NINL: variants seen among roughly 807,000 people sequenced by gnomAD.
NINL encodes the protein ninein like.
NINL carries 153 observed loss-of-function variants against 160.3 expected under a neutral mutation model. That is an observed-to-expected ratio of 0.95 (90% CI 0.84 to 1.09). The LOEUF (loss-of-function observed/expected upper bound fraction) is 1.09, where lower values mean the gene tolerates loss of function less well. NINL is among the 50% of genes least tolerant of loss of function. The pLI, the probability that NINL is intolerant of heterozygous loss-of-function variation, is 0.00. For synonymous variants in NINL, 800 were observed against 734.8 expected, an observed-to-expected ratio of 1.09 and a Z score of -1.43; for missense variants, 1,829 against 1,764.0, an observed-to-expected ratio of 1.04 and a Z score of -0.66.
chr20:25,499,952 A>G, intron 8 of NINL, among the ~76,000 whole-genome samples: 1 of 151,546 alleles, frequency 6.6e-6, no homozygotes, highest in South Asian at 2.1e-4. Flanking sequence ...TCGCAAAAAA[A>G]AAAAAAAAAA....
chr20:25,489,601 G>A (rs1601121121), intron 12 of NINL, among the ~76,000 whole-genome samples: 1 of 151,986 alleles, frequency 6.6e-6, no homozygotes, highest in South Asian at 2.1e-4. Context: ...TCCTCCCTAG[G>A]TGACACCCAG....
At chr20:25,506,087 C>T (rs576333840) in intron 5 of NINL, among the ~76,000 whole-genome samples, 2 of 152,134 alleles carry the variant, frequency 1.3e-5, no homozygotes, top group African/African-American at 4.8e-5. Flanking sequence ...ATTGGTGAAA[C>T]CCCGTCTCTA....
chr20:25,496,029 C>T (rs2063746174), intron 10 of NINL, among the ~76,000 whole-genome samples: 1 of 152,078 alleles, frequency 6.6e-6, no homozygotes, highest in South Asian at 2.1e-4. Flanking sequence ...CTGTTTAATC[C>T]CTGCTACTTG....
rs143658285 is a variant in NINL, at chr20:25,555,984, T to TAA, written c.-11-29388_-11-29387dup. Among the ~76,000 whole-genome samples, 820 of 144,294 alleles carry TAA rather than the reference T, an allele frequency of 5.7e-3. 7 individuals carry two copies. Among genetic ancestry groups the TAA allele is most frequent in the Middle Eastern group, 7.2e-3 (2 of 276 alleles). 94.7% of individuals were successfully genotyped at this position (144,294 alleles called of 152,430 possible). A position where few individuals can be genotyped will look rare whatever the true frequency, so the allele number is the denominator to read the frequency against. The stretch of plus-strand genomic sequence containing the variant: ...GCCACCATGCCCGGCTTATTTTCAA[T>TAA]AAAAAAAAAAAACAGGCCGGACACG... On this transcript the variant is annotated intron_variant, in intron 1 of 23. Transcript: ENST00000278886.
In NINL at chr20:25,501,036, C is replaced by G. The variant is rs749888963; in HGVS notation, c.862-26G>C. 2.5e-6 allele frequency: 4 copies of G among 1,607,558 alleles called. No homozygotes were observed. The African/African-American group carries it at 5.3e-5, about 21-fold the overall frequency. On this transcript the variant is annotated intron_variant, in intron 7 of 23. Transcript: ENST00000278886. Reference sequence around the variant, plus strand: ...CTGCATGTCAGGAAGACTTCCATAGCGCCCAGCGTCCAAAGCCTCACGCCT... The same window carrying G: ...CTGCATGTCAGGAAGACTTCCATAGGGCCCAGCGTCCAAAGCCTCACGCCT...
chr20:25,500,944 G>A lies in NINL; in HGVS notation c.928C>T (p.Arg310Cys). 5.6e-6 allele frequency: 9 copies of A among 1,614,196 alleles called. No homozygotes were observed. Among genetic ancestry groups the A allele is most frequent in the East Asian group, 2.2e-5 (1 of 44,886 alleles). ...CCATCGTCAATGCTGGAGAAGAGGC[G>A]CAGGCTGGAGCACAGGGACACGAGG... ...SSLVSLCSSL[R>C]LFSSIDDGSG... Residue 310 changes from arginine (R) to cysteine (C), a missense_variant, in exon 8 of 24, where the codon CGC becomes TGC. Coordinates refer to ENST00000278886, the MANE Select transcript of NINL (RefSeq NM_025176.6).
chr20:25,562,485 G>A (rs2064955770), intron 1 of NINL, among the ~76,000 whole-genome samples: 1 of 127,974 alleles, frequency 7.8e-6, no homozygotes. Context: ...CTGTTGATCT[G>A]TGACCTTACC....
At chr20:25,479,517 C>T (rs575235300) in intron 15 of NINL, among the ~76,000 whole-genome samples, 1 of 152,272 alleles carries the variant, frequency 6.6e-6, no homozygotes, top group East Asian at 1.9e-4. Context: ...TTTACAGGAC[C>T]TCGGGGTGGC....
chr20:25,454,592 T>C (rs2090619752), intron 23 of NINL, among the ~76,000 whole-genome samples: 1 of 152,152 alleles, frequency 6.6e-6, no homozygotes. Context: ...GGATCCCTCA[T>C]GTAGACCAAA....
chr20:25,519,989 C>CAAAAAAA lies in NINL; in HGVS notation c.181-2147_181-2141dup, dbSNP rs59160061. ...TGGGTGACGAAGTGAGACCCCGTCT[C>CAAAAAAA]AAAAAAAAAAAAAAAAAAAAAAAAA... On this transcript the variant is annotated intron_variant, in intron 2 of 23. Transcript: ENST00000278886. 9.1e-4 allele frequency among the ~76,000 whole-genome samples: 11 copies of CAAAAAAA among 12,126 alleles called. 2 individuals are homozygous for CAAAAAAA. Among genetic ancestry groups the CAAAAAAA allele is most frequent in the Non-Finnish European group, 1.9e-3 (9 of 4,834 alleles). The allele number at this position is 12,126 out of a possible 152,430, so 8.0% of individuals were successfully genotyped here.
At chr20:25,583,836 A>C (rs945677647) in intron 1 of NINL, among the ~76,000 whole-genome samples, 3 of 152,326 alleles carry the variant, frequency 2.0e-5, no homozygotes, top group Non-Finnish European at 4.4e-5. Flanking sequence ...GACATGCATA[A>C]AGTGGGAAGC....
At position 25,476,941 on chromosome 20, in the gene NINL, C is replaced by T; in HGVS notation, c.2350G>A (p.Ala784Thr). The T allele has an allele frequency of 1.2e-6, 2 of 1,611,232 alleles. No homozygotes were observed. Among genetic ancestry groups the T allele is most frequent in the South Asian group, 1.1e-5 (1 of 91,038 alleles). ...CTCGCACAGGGCTGCAGCTTCAGTG[C>T]CCTCTCCAGCTCCAGCTGCTCCGAC... Reference protein sequence around the residue: ...QRSEQLELERALKLQPCASEK... With the variant: ...QRSEQLELERTLKLQPCASEK... Residue 784 changes from alanine to threonine, a missense_variant, in exon 17 of 24, where the codon GCA becomes ACA. Coordinates refer to ENST00000278886, the MANE Select transcript of NINL (RefSeq NM_025176.6).
At chr20:25,480,839 T>G (rs1467602112) in intron 14 of NINL, among the ~76,000 whole-genome samples, 1 of 152,130 alleles carries the variant, frequency 6.6e-6, no homozygotes, top group Non-Finnish European at 1.5e-5. Context: ...GGCATCCAGG[T>G]GGGACGTCAA....
At chr20:25,528,809 A>G (rs2064401285) in intron 1 of NINL, among the ~76,000 whole-genome samples, 2 of 152,242 alleles carry the variant, frequency 1.3e-5, no homozygotes, top group Admixed American at 1.3e-4. Flanking sequence ...TCTAAAAAAG[A>G]GGAAATATAA....
intron 2 of NINL, among the ~76,000 whole-genome samples, chr20:25,524,800 G>A (rs1490215862): frequency 3.3e-5 from 5 of 151,972 alleles, no homozygotes; most frequent in African/African-American, 9.7e-5. Flanking sequence ...CAATCTGAAC[G>A]TGGACCCAAA....
chr20:25,574,246 C>T (rs985658147), intron 1 of NINL, among the ~76,000 whole-genome samples: 2 of 152,094 alleles, frequency 1.3e-5, no homozygotes, highest in African/African-American at 4.8e-5. Flanking sequence ...TCTCACTTGA[C>T]AATGGAGAAA....
chr20:25,486,092 G>T (rs2063498266), intron 13 of NINL, among the ~76,000 whole-genome samples: 1 of 152,256 alleles, frequency 6.6e-6, no homozygotes, highest in Non-Finnish European at 1.5e-5. Context: ...TGCTAAGGCA[G>T]AGGCAACAGG....
At chr20:25,492,612 C>T (rs1010797079) in intron 10 of NINL, among the ~76,000 whole-genome samples, 7 of 152,016 alleles carry the variant, frequency 4.6e-5, no homozygotes, top group Non-Finnish European at 7.4e-5. Context: ...CCACCATGCC[C>T]GGCTAATTTT....
chr20:25,573,766 G>A (rs2065082056), intron 1 of NINL, among the ~76,000 whole-genome samples: 1 of 152,192 alleles, frequency 6.6e-6, no homozygotes, highest in Admixed American at 6.5e-5. Flanking sequence ...TTTCCCCTGA[G>A]TCAACTAAAA....
Sources: gnomAD v4.1 joint callset for allele counts (sites outside exome capture counted in the v4.1 genomes callset) on GRCh38, gnomAD v4.1.1 for gene constraint, MANE v1.5 for transcripts, NCBI Gene and HGNC (gene_info 2026-07-23, HGNC 2026-07-21) for gene names.